TXNRD1: variants seen among roughly 807,000 people sequenced by gnomAD.
The protein encoded by TXNRD1 is thioredoxin reductase 1, cytoplasmic.
Under a neutral mutation model 80.3 loss-of-function variants are expected in TXNRD1, and 57 were observed. The ratio of observed to expected loss-of-function variants is 0.71; its 90% CI spans 0.57 to 0.89. The LOEUF (loss-of-function observed/expected upper bound fraction) is 0.89, where lower values mean the gene tolerates loss of function less well. TXNRD1 is among the 40% of genes least tolerant of loss of function. TXNRD1 has a pLI of 0.00. For synonymous variants in TXNRD1, 291 were observed against 285.2 expected, an observed-to-expected ratio of 1.02 and a Z score of -0.20; for missense variants, 730 against 803.0, an observed-to-expected ratio of 0.91 and a Z score of 1.10.
intron 13 of TXNRD1, among the ~76,000 whole-genome samples, chr12:104,328,199 A>AG (rs2035832493): frequency 1.3e-5 from 2 of 151,870 alleles, no homozygotes; most frequent in African/African-American, 4.8e-5. Context: ...AAGAAAATTG[A>AG]CATCTTGGAT....
At chr12:104,233,021 G>A (rs927700910) in intron 1 of TXNRD1, among the ~76,000 whole-genome samples, 1 of 152,180 alleles carries the variant, frequency 6.6e-6, no homozygotes, top group African/African-American at 2.4e-5. Context: ...GAAGGAAGGG[G>A]GTTGTTTACA....
intron 1 of TXNRD1, among the ~76,000 whole-genome samples, chr12:104,217,602 A>G (rs929187839): frequency 6.6e-6 from 1 of 152,098 alleles, no homozygotes; most frequent in African/African-American, 2.4e-5. Flanking sequence ...GAGCCACTGC[A>G]CCCAGCTGAC....
At chr12:104,259,539 T>C (rs1290878032) in intron 3 of TXNRD1, among the ~76,000 whole-genome samples, 3 of 149,302 alleles carry the variant, frequency 2.0e-5, no homozygotes, top group African/African-American at 5.0e-5. Context: ...TTGCCCAGGC[T>C]GGAGTGCAAT....
intron 9 of TXNRD1, 73 bp from the exon 10 acceptor site, chr12:104,321,018 A>G (rs1219784625): frequency 1.9e-6 from 2 of 1,031,902 alleles, no homozygotes; most frequent in African/African-American, 1.6e-5. Context: ...AAAAATGTGT[A>G]CTTGGATTTA....
intron 2 of TXNRD1, among the ~76,000 whole-genome samples, chr12:104,254,135 G>A (rs184070915): frequency 2.6e-5 from 4 of 152,242 alleles, no homozygotes; most frequent in Non-Finnish European, 5.9e-5. Flanking sequence ...TTTACCTGTG[G>A]TGCCACAGTT....
At chr12:104,249,970 G>T (rs2033082402) in intron 1 of TXNRD1, among the ~76,000 whole-genome samples, 1 of 146,652 alleles carries the variant, frequency 6.8e-6, no homozygotes, top group Non-Finnish European at 1.5e-5. Flanking sequence ...AAGCTTACTA[G>T]ACATAATGAT....
intron 1 of TXNRD1, among the ~76,000 whole-genome samples, chr12:104,235,792 TA>T (rs2032726143): frequency 6.6e-6 from 1 of 152,188 alleles, no homozygotes; most frequent in Admixed American, 6.5e-5. Context: ...CAAACTTAGC[TA>T]CAAGCTTCCA....
At chr12:104,215,986 C>T in intron 1 of TXNRD1, 93 bp downstream of exon 1, 2 of 1,066,216 alleles carry the variant, frequency 1.9e-6, no homozygotes, top group Non-Finnish European at 2.7e-6. Flanking sequence ...GGAGCCCTGG[C>T]CTTGAAGCCC....
intron 3 of TXNRD1, among the ~76,000 whole-genome samples, chr12:104,260,868 A>G (rs1452960864): frequency 6.6e-6 from 1 of 152,228 alleles, no homozygotes; most frequent in Non-Finnish European, 1.5e-5. Context: ...TCCTTCAAGG[A>G]TGGGAAAGGT....
Position 104,293,696 on chromosome 12 carries a change from TC to T in TXNRD1, c.414+4659del, listed in dbSNP as rs528967044. Reference sequence around the variant, plus strand: ...CAGCCCCACAGGGTCGGTGGGTCTCTCCCTGTGTGCGGCGACGAGAGAGTGT... The same window carrying T: ...CAGCCCCACAGGGTCGGTGGGTCTCTCCTGTGTGCGGCGACGAGAGAGTGT... On this transcript the variant is annotated intron_variant, in intron 4 of 16. Transcript: ENST00000525566. Among the ~76,000 whole-genome samples the T allele has an allele frequency of 6.3e-3, 964 of 152,082 alleles. 9 individuals are homozygous for T. The highest frequency in any genetic ancestry group is 0.022 in the African/African-American group (910 of 41,470).
Position 104,263,959 on chromosome 12 carries a change from C to G in TXNRD1, c.304+5880C>G, listed in dbSNP as rs552670669. On this transcript the variant is annotated intron_variant, in intron 3 of 16. Coordinates refer to ENST00000525566, the MANE Select transcript of TXNRD1 (RefSeq NM_001093771.3). ...AAGCAGATGCTCAGCATTTGAATAA[C>G]TTGCTCAATGTTGCTGTGTCAAGCC... Among the ~76,000 whole-genome samples, 41 of 152,306 alleles carry G rather than the reference C, an allele frequency of 2.7e-4. 1 individual carries two copies. The South Asian group carries it at 8.1e-3, about 30-fold the overall frequency.
chr12:104,339,299 T>A, intron 16 of TXNRD1, 26 bp downstream of exon 16: 2 of 1,612,740 alleles, frequency 1.2e-6, no homozygotes, highest in Non-Finnish European at 1.7e-6. Context: ...TTATACAGTT[T>A]AAAATGTTTA....
At chr12:104,281,913 TCTCA>T (rs1255877059) in intron 3 of TXNRD1, among the ~76,000 whole-genome samples, 1 of 152,302 alleles carries the variant, frequency 6.6e-6, no homozygotes, top group Admixed American at 6.5e-5. Flanking sequence ...CCACTTTTTT[TCTCA>T]CTCATTAGGC....
intron 4 of TXNRD1, among the ~76,000 whole-genome samples, chr12:104,308,223 CA>C (rs1213334383): frequency 1.3e-5 from 2 of 152,152 alleles, no homozygotes; most frequent in Non-Finnish European, 2.9e-5. Flanking sequence ...TCTCGATCTC[CA>C]GACCTCATGA....
chr12:104,291,789 T>C (rs2034225991), intron 4 of TXNRD1, among the ~76,000 whole-genome samples: 3 of 152,208 alleles, frequency 2.0e-5, no homozygotes, highest in Admixed American at 6.5e-5. Context: ...GCCCTATTTT[T>C]GTTTTTTAAT....
intron 1 of TXNRD1, among the ~76,000 whole-genome samples, chr12:104,235,600 C>A (rs2032722930): frequency 1.3e-5 from 2 of 152,102 alleles, no homozygotes; most frequent in African/African-American, 4.8e-5. Context: ...TGTTTATATT[C>A]TCTGTAAATT....
chr12:104,304,639 T>C (rs751452445), intron 4 of TXNRD1: 3 of 1,613,892 alleles, frequency 1.9e-6, no homozygotes, highest in Non-Finnish European at 2.5e-6. Context: ...TTCGAAAGTA[T>C]CCTGATACTC....
chr12:104,339,211 A>G lies in TXNRD1; in HGVS notation c.1819A>G (p.Lys607Glu). 6.2e-7 allele frequency: 1 copy of G among 1,614,012 alleles called. No homozygotes were observed. The highest frequency in any genetic ancestry group is 8.5e-7 in the Non-Finnish European group (1 of 1,179,890). Reference protein sequence around the residue: ...EVTQGFAAALKCGLTKKQLDS... With the variant: ...EVTQGFAAALECGLTKKQLDS... ...TACACAAGGCTTTGCAGCTGCGCTC[A>G]AATGTGGACTGACCAAAAAGCAGCT... Residue 607 changes from lysine to glutamate, a missense_variant, in exon 16 of 17, where the codon AAA (lysine) becomes GAA (glutamate). Physicochemically the swap from Lys to Glu is moderately conservative, Grantham distance 56. Coordinates refer to ENST00000525566, the MANE Select transcript of TXNRD1 (RefSeq NM_001093771.3).
chr12:104,229,246 C>T (rs1313816252), intron 1 of TXNRD1, among the ~76,000 whole-genome samples: 4 of 148,540 alleles, frequency 2.7e-5, no homozygotes, highest in Non-Finnish European at 4.4e-5. Context: ...CTCCTGGGCT[C>T]AAGCAATCCT....
Sources: allele counts gnomAD v4.1 joint callset (sites outside exome capture counted in the v4.1 genomes callset), GRCh38; gene constraint gnomAD v4.1.1; transcripts MANE v1.5; gene names NCBI Gene and HGNC (gene_info 2026-07-23, HGNC 2026-07-21).